The following TEX11 variants were observed in gnomAD, a reference collection of about 807,000 sequenced individuals.
The protein encoded by TEX11 is testis expressed 11, also known as testis-expressed protein 11.
TEX11 carries 7 observed loss-of-function variants against 84.4 expected under a neutral mutation model. The ratio of observed to expected loss-of-function variants is 0.08; its 90% CI spans 0.05 to 0.16. The LOEUF (loss-of-function observed/expected upper bound fraction) is 0.16. Ranked by LOEUF, TEX11 falls within the 10% of genes least tolerant of loss-of-function variation. TEX11 has a pLI of 1.00. For synonymous variants in TEX11, 264 were observed against 222.8 expected (o/e 1.18, Z -1.64); for missense variants, 551 against 660.5 (o/e 0.83, Z 1.82).
chrX:70,713,482 C>G (rs1175863079), intron 13 of TEX11, among the ~76,000 whole-genome samples: 1 of 111,795 alleles, frequency 8.9e-6, no homozygotes, highest in Non-Finnish European at 1.9e-5. Flanking sequence ...TGTTATTGGT[C>G]TATTCAGAGA....
intron 24 of TEX11, among the ~76,000 whole-genome samples, chrX:70,601,651 G>T (rs1335349036): frequency 1.0e-5 from 1 of 97,239 alleles, no homozygotes; most frequent in East Asian, 3.2e-4. Context: ...GTGAACAAAG[G>T]TCTCTGGTTT....
At chrX:70,840,488 A>G (rs2091436036) in intron 7 of TEX11, among the ~76,000 whole-genome samples, 1 of 111,321 alleles carries the variant, frequency 9.0e-6, no homozygotes, top group African/African-American at 3.3e-5. Flanking sequence ...AGCGCTAAAC[A>G]TGGAAAGGAA....
At chrX:70,531,050 C>G (rs886508969) in intron 28 of TEX11, among the ~76,000 whole-genome samples, 22 of 111,025 alleles carry the variant, frequency 2.0e-4, no homozygotes, top group African/African-American at 6.9e-4. Flanking sequence ...TTCACAAGAA[C>G]AGTTAGTTGT....
intron 20 of TEX11, among the ~76,000 whole-genome samples, chrX:70,620,289 G>T (rs1272244568): frequency 2.7e-5 from 3 of 111,413 alleles, no homozygotes; most frequent in African/African-American, 9.8e-5. Flanking sequence ...AAAAGAATGG[G>T]CCAAAGACCT....
At chrX:70,828,612 G>T (rs1242811527) in intron 8 of TEX11, among the ~76,000 whole-genome samples, 2 of 111,098 alleles carry the variant, frequency 1.8e-5, no homozygotes, top group Non-Finnish European at 3.8e-5. Flanking sequence ...CCTCAAAAGG[G>T]TAAATCTAAG....
chrX:70,890,510 G>A (rs1030700423), intron 2 of TEX11, among the ~76,000 whole-genome samples: 6 of 112,592 alleles, frequency 5.3e-5, no homozygotes, highest in African/African-American at 1.9e-4. Flanking sequence ...CAACTACTCT[G>A]CTTTTCCAAC....
At chrX:70,897,081 G>A (rs373417991) in intron 2 of TEX11, among the ~76,000 whole-genome samples, 32 of 70,227 alleles carry the variant, frequency 4.6e-4, no homozygotes, top group African/African-American at 1.3e-3. Context: ...GTAGTGAGCC[G>A]AGATCACGAC....
intron 25 of TEX11, among the ~76,000 whole-genome samples, chrX:70,574,365 C>T (rs2088645300): frequency 1.8e-5 from 2 of 111,335 alleles, no homozygotes; most frequent in Admixed American, 1.9e-4. Context: ...TGGTACAAAC[C>T]CAACTTCCCC....
At chrX:70,843,464 G>T (rs2091459777) in intron 7 of TEX11, among the ~76,000 whole-genome samples, 1 of 111,516 alleles carries the variant, frequency 9.0e-6, no homozygotes, top group Non-Finnish European at 1.9e-5. Flanking sequence ...AATTCAAGAT[G>T]GATTAAAGAC....
chrX:70,736,889 A>G (rs1230650868), intron 11 of TEX11, among the ~76,000 whole-genome samples: 1 of 111,986 alleles, frequency 8.9e-6, no homozygotes, highest in Non-Finnish European at 1.9e-5. Flanking sequence ...AGCGGGATCA[A>G]ATCGTTTCCA....
At chrX:70,673,872 C>G (rs1303758650) in intron 15 of TEX11, among the ~76,000 whole-genome samples, 1 of 111,741 alleles carries the variant, frequency 8.9e-6, no homozygotes, top group East Asian at 2.8e-4. Flanking sequence ...GTTCTATTCT[C>G]TCTCAGGTTG....
chrX:70,838,001 C>T (rs1384625240), intron 7 of TEX11, among the ~76,000 whole-genome samples: 1 of 112,356 alleles, frequency 8.9e-6, no homozygotes, highest in Non-Finnish European at 1.9e-5. Context: ...TTATATTGCA[C>T]TATATGTATG....
chrX:70,711,720 T>G (rs1248953451), intron 13 of TEX11, among the ~76,000 whole-genome samples: 1 of 111,478 alleles, frequency 9.0e-6, no homozygotes, highest in Admixed American at 9.5e-5. Flanking sequence ...TTGCAAAAAT[T>G]TTCTCCCATT....
intron 7 of TEX11, among the ~76,000 whole-genome samples, chrX:70,845,179 T>C (rs900136430): frequency 7.2e-5 from 8 of 110,727 alleles, no homozygotes; most frequent in African/African-American, 3.3e-5. Context: ...ATCTTTTACT[T>C]TTGAGAGGGA....
At chrX:70,721,047 A>G (rs73542962) in intron 13 of TEX11, among the ~76,000 whole-genome samples, 1,950 of 111,097 alleles carry the variant, frequency 0.018, 44 homozygotes, top group African/African-American at 0.06. Context: ...TACTTTTTCT[A>G]TCTAACCCTC....
At chrX:70,843,870 A>C (rs2091462543) in intron 7 of TEX11, among the ~76,000 whole-genome samples, 1 of 112,058 alleles carries the variant, frequency 8.9e-6, no homozygotes, top group Non-Finnish European at 1.9e-5. Flanking sequence ...AATGCTCATC[A>C]TCACTGGCCA....
At chrX:70,550,657 C>T (rs1377901605) in intron 28 of TEX11, among the ~76,000 whole-genome samples, 1 of 111,805 alleles carries the variant, frequency 8.9e-6, no homozygotes, top group Non-Finnish European at 1.9e-5. Context: ...TACTTACTAT[C>T]ACTGATCATC....
Position 70,733,287 on chromosome X carries a change from A to C in TEX11, c.843+7414T>G, listed in dbSNP as rs187832433. On this transcript the variant is annotated intron_variant, in intron 11 of 29. Coordinates refer to ENST00000374333, the MANE Select transcript of TEX11 (RefSeq NM_031276.3). ...ACACCAAAAGCAATGGCAACAAAAG[A>C]CAAAATTGACAAATGGGATCTAATT... is the stretch of plus-strand genomic sequence containing the variant. Among the ~76,000 whole-genome samples, 646 of 111,607 alleles carry C rather than the reference A, an allele frequency of 5.8e-3. 3 individuals are homozygous for C. Among genetic ancestry groups the C allele is most frequent in the African/African-American group, 0.018 (559 of 30,763 alleles).
chrX:70,869,716 G>T (rs2091620260), intron 4 of TEX11, among the ~76,000 whole-genome samples: 1 of 110,269 alleles, frequency 9.1e-6, no homozygotes, highest in Non-Finnish European at 1.9e-5. Flanking sequence ...GGCAGGGGTT[G>T]CAGTGAGTCA....
Sources: allele counts gnomAD v4.1 joint callset (sites outside exome capture counted in the v4.1 genomes callset), GRCh38; gene constraint gnomAD v4.1.1; transcripts MANE v1.5; gene names NCBI Gene and HGNC (gene_info 2026-07-23, HGNC 2026-07-21).